DNER: variants seen among roughly 807,000 people sequenced by gnomAD.
The protein encoded by DNER is delta/notch like EGF repeat containing.
DNER carries 33 observed loss-of-function variants against 78.2 expected under a neutral mutation model. The observed-to-expected ratio is 0.42, with a 90% CI of 0.32 to 0.56. DNER has a LOEUF of 0.56. DNER is among the 20% of genes least tolerant of loss of function. The probability of loss-of-function intolerance (pLI) is 0.11; values close to 1 mark genes in which losing one functional copy is unlikely to be tolerated. For missense variants in DNER, 918 were observed against 975.3 expected (o/e 0.94, Z 0.78); for synonymous variants, 417 against 384.8 (o/e 1.08, Z -0.98).
chr2:229,533,546 A>G (rs879586193), intron 5 of DNER, among the ~76,000 whole-genome samples: 5 of 152,148 alleles, frequency 3.3e-5, no homozygotes, highest in Non-Finnish European at 7.4e-5. Context: ...TGAACCCTCA[A>G]CCCTGGAGTG....
intron 5 of DNER, among the ~76,000 whole-genome samples, chr2:229,545,156 G>A (rs993613076): frequency 1.3e-4 from 20 of 152,206 alleles, no homozygotes; most frequent in African/African-American, 4.8e-4. Context: ...AGGTGCTGGA[G>A]ATGGATGTAG....
At chr2:229,443,370 A>G (rs1475710178) in intron 8 of DNER, among the ~76,000 whole-genome samples, 3 of 152,054 alleles carry the variant, frequency 2.0e-5, no homozygotes, top group Non-Finnish European at 4.4e-5. Flanking sequence ...TGGCACCCCC[A>G]CCCCAGCGAG....
chr2:229,388,389 C>G lies in DNER; in HGVS notation c.1731G>C (p.Glu577Asp). Residue 577 changes from glutamate to aspartate, a missense_variant, in exon 11 of 13, where the codon GAG becomes GAC. Coordinates refer to ENST00000341772, the MANE Select transcript of DNER (RefSeq NM_139072.4). ...CICAPGFTGE[E>D]CDIDINECDS... ...CACATTCATTTATGTCAATGTCGCA[C>G]TCTTCACCTAGGGAGATAAGAAAAA... 1.2e-6 allele frequency: 2 copies of G among 1,609,510 alleles called. No homozygotes were observed. The highest frequency in any genetic ancestry group is 1.1e-5 in the South Asian group (1 of 90,600).
chr2:229,421,703 T>C (rs1036597617), intron 8 of DNER, among the ~76,000 whole-genome samples: 7 of 151,680 alleles, frequency 4.6e-5, no homozygotes, highest in East Asian at 1.9e-4. Context: ...TATATATCCA[T>C]GTATATGTAA....
intron 10 of DNER, among the ~76,000 whole-genome samples, chr2:229,404,485 C>T (rs905043405): frequency 6.6e-6 from 1 of 152,186 alleles, no homozygotes; most frequent in Non-Finnish European, 1.5e-5. Context: ...ATTACCTCCA[C>T]CTGGCCTCTC....
intron 6 of DNER, among the ~76,000 whole-genome samples, chr2:229,482,092 C>G (rs1386594710): frequency 6.6e-6 from 1 of 152,218 alleles, no homozygotes; most frequent in Non-Finnish European, 1.5e-5. Flanking sequence ...AAGTCTATAC[C>G]TAACCATGGA....
At chr2:229,488,468 CAT>C (rs763413909) in intron 6 of DNER, among the ~76,000 whole-genome samples, 2 of 152,148 alleles carry the variant, frequency 1.3e-5, no homozygotes, top group African/African-American at 2.4e-5. Context: ...TATGAGTGCA[CAT>C]GTGTGTTGTG....
intron 1 of DNER, among the ~76,000 whole-genome samples, chr2:229,633,537 A>G (rs1222346657): frequency 6.6e-6 from 1 of 152,268 alleles, no homozygotes; most frequent in Non-Finnish European, 1.5e-5. Context: ...TCTAAAATGA[A>G]TCCAAAGTAA....
intron 6 of DNER, among the ~76,000 whole-genome samples, chr2:229,502,292 C>G (rs759903884): frequency 6.6e-6 from 1 of 152,174 alleles, no homozygotes; most frequent in African/African-American, 2.4e-5. Context: ...TCTACGGGTG[C>G]TCCCTTGAGG....
At chr2:229,579,397 C>T (rs1423046108) in intron 4 of DNER, among the ~76,000 whole-genome samples, 1 of 152,144 alleles carries the variant, frequency 6.6e-6, no homozygotes, top group Non-Finnish European at 1.5e-5. Context: ...TGAGTATTTC[C>T]CACAGCCCTG....
chr2:229,624,171 T>G (rs936977382), intron 1 of DNER, among the ~76,000 whole-genome samples: 1 of 148,528 alleles, frequency 6.7e-6, no homozygotes, highest in Non-Finnish European at 1.5e-5. Flanking sequence ...CCTGAGCACC[T>G]GCTAAAGAGA....
chr2:229,503,453 G>T lies in DNER; in HGVS notation c.1147+9330C>A, dbSNP rs116933577. Reference sequence around the variant, plus strand: ...GAAAAAGGAGAAATAGTAGCTGAGGGTAAAGGAATAAATAAATAGGATGCA... The same window carrying T: ...GAAAAAGGAGAAATAGTAGCTGAGGTTAAAGGAATAAATAAATAGGATGCA... On this transcript the variant is annotated intron_variant, in intron 6 of 12. Coordinates refer to ENST00000341772, the MANE Select transcript of DNER (RefSeq NM_139072.4). Among the ~76,000 whole-genome samples, 42 of 152,310 alleles carry T rather than the reference G, an allele frequency of 2.8e-4. No homozygotes were observed. The East Asian group carries it at 7.3e-3, about 27-fold the overall frequency.
chr2:229,639,935 G>A (rs568915310), intron 1 of DNER, among the ~76,000 whole-genome samples: 3 of 152,296 alleles, frequency 2.0e-5, no homozygotes, highest in East Asian at 3.9e-4. Flanking sequence ...TCCTCCAAGG[G>A]ACAACCCTCC....
intron 7 of DNER, among the ~76,000 whole-genome samples, chr2:229,471,110 T>C (rs921479926): frequency 6.6e-6 from 1 of 152,050 alleles, no homozygotes; most frequent in Non-Finnish European, 1.5e-5. Context: ...AATAGAGTGC[T>C]TTCACCAAGA....
chr2:229,386,144 C>G (rs183014088), intron 11 of DNER, among the ~76,000 whole-genome samples: 2 of 152,284 alleles, frequency 1.3e-5, no homozygotes, highest in East Asian at 3.9e-4. Flanking sequence ...TGGAAAAGAA[C>G]AGAGGCCTCA....
At chr2:229,674,905 T>C (rs140012652) in intron 1 of DNER, among the ~76,000 whole-genome samples, 278 of 152,316 alleles carry the variant, frequency 1.8e-3, no homozygotes, top group African/African-American at 6.4e-3. Flanking sequence ...ACTCATCACC[T>C]TGTGCTTACC....
At chr2:229,665,040 TAAG>T (rs1448320006) in intron 1 of DNER, among the ~76,000 whole-genome samples, 3 of 152,226 alleles carry the variant, frequency 2.0e-5, no homozygotes, top group African/African-American at 4.8e-5. Flanking sequence ...GAATAGTTAC[TAAG>T]AACCAGTTTA....
At chr2:229,536,727 C>T (rs796647600) in intron 5 of DNER, among the ~76,000 whole-genome samples, 8 of 152,340 alleles carry the variant, frequency 5.3e-5, no homozygotes, top group African/African-American at 1.9e-4. Context: ...AATCTAAGAA[C>T]AATAGTTATG....
intron 1 of DNER, among the ~76,000 whole-genome samples, chr2:229,617,033 G>C (rs1990707): frequency 0.19 from 28,671 of 152,178 alleles, 2,983 homozygotes; most frequent in Middle Eastern, 0.25. Flanking sequence ...GAAAAGCCGG[G>C]ATTTCAACCT....
Sources: allele counts gnomAD v4.1 joint callset (sites outside exome capture counted in the v4.1 genomes callset), GRCh38; gene constraint gnomAD v4.1.1; transcripts MANE v1.5; gene names NCBI Gene and HGNC (gene_info 2026-07-23, HGNC 2026-07-21).